The following MYO1E variants were observed in gnomAD, a reference collection of about 807,000 sequenced individuals.
The protein encoded by MYO1E is unconventional myosin-Ie.
Under a neutral mutation model 151.1 loss-of-function variants are expected in MYO1E, and 68 were observed. The ratio of observed to expected loss-of-function variants is 0.45; its 90% CI spans 0.37 to 0.55. MYO1E has a LOEUF of 0.55. Among genes scored for constraint, MYO1E ranks in the 20% least tolerant of loss-of-function variants. MYO1E has a pLI of 0.00. For synonymous variants in MYO1E, 601 were observed against 501.7 expected, an observed-to-expected ratio of 1.20 and a Z score of -2.64; for missense variants, 1,363 against 1,389.3, an observed-to-expected ratio of 0.98 and a Z score of 0.30.
At chr15:59,351,129 G>A (rs1285326452) in intron 1 of MYO1E, among the ~76,000 whole-genome samples, 2 of 152,086 alleles carry the variant, frequency 1.3e-5, no homozygotes, top group East Asian at 3.9e-4. Context: ...TCGATCTCCC[G>A]ACCTCGTGAT....
intron 1 of MYO1E, among the ~76,000 whole-genome samples, chr15:59,300,706 C>T (rs2080476943): frequency 6.6e-6 from 1 of 152,120 alleles, no homozygotes; most frequent in East Asian, 1.9e-4. Flanking sequence ...CCCAAACTGC[C>T]CCTCTTTTGT....
At chr15:59,182,646 C>T (rs2079670644) in intron 18 of MYO1E, among the ~76,000 whole-genome samples, 1 of 152,174 alleles carries the variant, frequency 6.6e-6, no homozygotes, top group Non-Finnish European at 1.5e-5. Flanking sequence ...TCCAAGGATA[C>T]AAGCATTTCA....
At position 59,199,378 on chromosome 15, in the gene MYO1E, C is replaced by T. The variant is rs568818067; in HGVS notation, c.1698+2948G>A. The stretch of plus-strand genomic sequence containing the variant: ...GATAACAGCCATGAGCCACTGTGCC[C>T]GGCCTGCATTATACTTTATAGTTGA... On this transcript the variant is annotated intron_variant, in intron 16 of 27. Coordinates refer to ENST00000288235, the MANE Select transcript of MYO1E (RefSeq NM_004998.4). Among the ~76,000 whole-genome samples the T allele has an allele frequency of 2.6e-5, 4 of 152,190 alleles. No individual in the cohort carries two copies. The South Asian group carries it at 6.2e-4, about 24-fold the overall frequency.
intron 1 of MYO1E, among the ~76,000 whole-genome samples, chr15:59,298,372 C>T (rs566751680): frequency 1.4e-4 from 21 of 152,288 alleles, no homozygotes; most frequent in Non-Finnish European, 2.6e-4. Context: ...TGAGGTTGCC[C>T]GATAGCTGTG....
intron 14 of MYO1E, 25 bp downstream of exon 14, chr15:59,208,656 A>T: frequency 1.2e-6 from 2 of 1,613,870 alleles, no homozygotes; most frequent in Non-Finnish European, 1.7e-6. Flanking sequence ...AAACAGATAG[A>T]CATTAAAATG....
chr15:59,137,477 T>C, intron 27 of MYO1E, 21 bp from the exon 28 acceptor site: 1 of 1,610,924 alleles, frequency 6.2e-7, no homozygotes, highest in African/African-American at 1.3e-5. Flanking sequence ...AGAGAGGTGG[T>C]GGAAGTGAAG....
intron 25 of MYO1E, among the ~76,000 whole-genome samples, chr15:59,157,065 GT>G (rs2079513309): frequency 6.7e-6 from 1 of 149,212 alleles, no homozygotes; most frequent in Non-Finnish European, 1.5e-5. Flanking sequence ...TCTACAAAGA[GT>G]AAAAAAAAAA....
At chr15:59,144,875 C>G (rs1383968879) in intron 26 of MYO1E, among the ~76,000 whole-genome samples, 1 of 151,976 alleles carries the variant, frequency 6.6e-6, no homozygotes, top group African/African-American at 2.4e-5. Context: ...CGGAGTTTCA[C>G]TCTTGTTGCC....
rs2079359534 is a variant in MYO1E at position 59,134,242 on chromosome 15, G to A, written c.*3138C>T. On this transcript the variant is annotated 3_prime_UTR_variant, in exon 28 of 28. Transcript: ENST00000288235. ...GTAGTGGGGAGTCAGGTTTGATTAC[G>A]ATGGGCTGGGACCACACGTTGGGAG... The A allele has an allele frequency of 6.6e-6, 1 of 152,390 alleles. No homozygotes were observed. The highest frequency in any genetic ancestry group is 6.5e-5 in the Admixed American group (1 of 15,290). 9.4% of individuals were successfully genotyped at this position (152,390 alleles called of 1,614,324 possible).
chr15:59,281,647 T>C (rs1428604930), intron 1 of MYO1E, among the ~76,000 whole-genome samples: 6 of 152,212 alleles, frequency 3.9e-5, no homozygotes, highest in Non-Finnish European at 7.3e-5. Flanking sequence ...TCAACTATTT[T>C]AACAAGTTTC....
chr15:59,338,953 G>A (rs950458272), intron 1 of MYO1E, among the ~76,000 whole-genome samples: 5 of 152,144 alleles, frequency 3.3e-5, no homozygotes, highest in Admixed American at 6.5e-5. Context: ...CCAACATGGC[G>A]AGACCTCATC....
At chr15:59,203,439 G>A (rs957132349) in intron 15 of MYO1E, among the ~76,000 whole-genome samples, 10 of 151,472 alleles carry the variant, frequency 6.6e-5, no homozygotes, top group African/African-American at 2.4e-4. Flanking sequence ...GAGTGCAGTG[G>A]CGCGATCTTG....
intron 26 of MYO1E, among the ~76,000 whole-genome samples, chr15:59,152,855 C>A (rs918857606): frequency 5.9e-5 from 9 of 152,138 alleles, no homozygotes; most frequent in African/African-American, 2.2e-4. Flanking sequence ...CTCCCAGGAA[C>A]AAAATGCTGT....
chr15:59,207,926 T>A (rs776911100), intron 14 of MYO1E: 1 of 1,614,140 alleles, frequency 6.2e-7, no homozygotes. Flanking sequence ...ATTAAGGGCC[T>A]CTATGGAATA....
At chr15:59,226,078 T>C (rs1488140485) in intron 7 of MYO1E, among the ~76,000 whole-genome samples, 3 of 152,224 alleles carry the variant, frequency 2.0e-5, no homozygotes, top group Non-Finnish European at 4.4e-5. Flanking sequence ...AAAGAAGTCC[T>C]GACATCCATT....
At chr15:59,356,348 C>T (rs907715704) in intron 1 of MYO1E, among the ~76,000 whole-genome samples, 4 of 152,122 alleles carry the variant, frequency 2.6e-5, no homozygotes, top group Non-Finnish European at 5.9e-5. Context: ...AAGGTTCCAA[C>T]GAAAATGAAA....
At chr15:59,155,351 A>C (rs1237267509) in intron 25 of MYO1E, among the ~76,000 whole-genome samples, 1 of 152,230 alleles carries the variant, frequency 6.6e-6, no homozygotes, top group Non-Finnish European at 1.5e-5. Flanking sequence ...CCATTCTTCT[A>C]CTAATTCATT....
intron 1 of MYO1E, among the ~76,000 whole-genome samples, chr15:59,292,483 A>G (rs115379516): frequency 6.6e-4 from 100 of 152,368 alleles, no homozygotes; most frequent in Middle Eastern, 3.4e-3. Flanking sequence ...GGCCGCAAGG[A>G]TGGACAACAA....
At chr15:59,236,771 A>C in intron 4 of MYO1E, 99 bp from the exon 5 acceptor site, 2 of 1,169,968 alleles carry the variant, frequency 1.7e-6, no homozygotes, top group Admixed American at 1.8e-5. Flanking sequence ...CAAACAAAAA[A>C]ACAAAAAAAA....
Sources: gnomAD v4.1 joint callset for allele counts (sites outside exome capture counted in the v4.1 genomes callset) on GRCh38, gnomAD v4.1.1 for gene constraint, MANE v1.5 for transcripts, NCBI Gene and HGNC (gene_info 2026-07-23, HGNC 2026-07-21) for gene names.